Variants in MESD observed in about 807,000 individuals in gnomAD.
The protein encoded by MESD is LRP chaperone MESD.
Under a neutral mutation model 12.9 loss-of-function variants are expected in MESD, and 7 were observed. The observed-to-expected ratio is 0.54, with a 90% confidence interval of 0.31 to 1.02. MESD has a LOEUF of 1.02. Ranked by LOEUF, MESD falls within the 50% of genes least tolerant of loss-of-function variation. MESD has a pLI of 0.05. For missense variants in MESD, 342 were observed against 296.7 expected, an observed-to-expected ratio of 1.15 and a Z score of -1.12; for synonymous variants, 126 against 115.6, an observed-to-expected ratio of 1.09 and a Z score of -0.58.
In MESD at chr15:80,982,163, T is replaced by A. The variant is rs1408250589; in HGVS notation, c.233A>T (p.Glu78Val). The A allele has an allele frequency of 1.9e-6, 3 of 1,613,914 alleles. No homozygotes were observed. The Admixed American group carries it at 5.0e-5, about 27-fold the overall frequency. Residue 78 changes from glutamate (E) to valine (V), a missense_variant, in exon 2 of 3, where the codon GAA (glutamate) becomes GTA (valine). By Grantham distance (121) the Glu-to-Val change is moderately radical. Transcript: ENST00000261758. The part of the protein sequence containing the change: ...EQWEKDDDIE[E>V]GDLPEHKRPS... ...TCTCTTGTGCTCTGGAAGATCTCCT[T>A]CTTCAATGTCATCATCTTTCTATCA...
intron 3 of MESD, among the ~76,000 whole-genome samples, chr15:80,970,188 A>G (rs766785317): frequency 3.3e-5 from 5 of 152,202 alleles, no homozygotes; most frequent in African/African-American, 4.8e-5. Flanking sequence ...TTAGAGACAC[A>G]TGGTGGGGAA....
intron 3 of MESD, among the ~76,000 whole-genome samples, chr15:80,959,757 A>G (rs1902053388): frequency 6.6e-6 from 1 of 152,142 alleles, no homozygotes; most frequent in African/African-American, 2.4e-5. Context: ...GGAGAGAAAA[A>G]GCAAAGTGGA....
chr15:80,989,813 C>G lies in MESD; in HGVS notation c.-22G>C, dbSNP rs191989642. 2 of 1,544,140 alleles carry G rather than the reference C, an allele frequency of 1.3e-6. No individual in the cohort carries two copies. Among genetic ancestry groups the G allele is most frequent in the South Asian group, 1.2e-5 (1 of 86,522 alleles). On this transcript the variant is annotated 5_prime_UTR_variant, in exon 1 of 3. Coordinates refer to ENST00000261758, the MANE Select transcript of MESD (RefSeq NM_015154.3). ...CCATTTTCGCTGCGCCGCGCAGCGC[C>G]CTAGACGCGCTTACCCGACCTGCGC...
rs1022108825 is a variant in MESD, at chr15:80,977,126, C to G, written c.*2093G>C. 1.3e-5 allele frequency: 2 copies of G among 154,046 alleles called. No homozygotes were observed. Among genetic ancestry groups the G allele is most frequent in the African/African-American group, 4.8e-5 (2 of 41,492 alleles). The allele number at this position is 154,046 out of a possible 1,614,324, so 9.5% of individuals were successfully genotyped here. A position where few individuals can be genotyped will look rare whatever the true frequency, so the allele number is the denominator to read the frequency against. ...CCCCGCTGGCCTTCCTGCTGCCTCT[C>G]CCTCTGCCACTTCTAGCCACAGGGT... On this transcript the variant is annotated 3_prime_UTR_variant, in exon 3 of 3. Coordinates refer to ENST00000261758, the MANE Select transcript of MESD (RefSeq NM_015154.3).
chr15:80,970,726 C>T (rs1902269520), intron 3 of MESD: 1 of 152,162 alleles, frequency 6.6e-6, no homozygotes, highest in Non-Finnish European at 1.5e-5. Flanking sequence ...TCAGAAAGTA[C>T]TGCAATAAGG....
intron 1 of MESD, among the ~76,000 whole-genome samples, chr15:80,988,646 T>G (rs1193632514): frequency 6.6e-6 from 1 of 152,226 alleles, no homozygotes; most frequent in Non-Finnish European, 1.5e-5. Context: ...AACTCTTGTC[T>G]GAAAGTCTTT....
Position 80,979,264 on chromosome 15 carries a change from A to C in MESD, c.660T>G (p.Ser220=). The change falls in exon 3 of 3, where the codon TCT becomes TCG. Residue 220 remains serine (S), a synonymous_variant. Transcript: ENST00000261758. Reference sequence around the variant, plus strand: ...TCCCAGCTCGATTTTCTTCCTTGGAAGACCGAGATTTCAGATCTCCTTCCT... The same window carrying C: ...TCCCAGCTCGATTTTCTTCCTTGGACGACCGAGATTTCAGATCTCCTTCCT... ...KKKEGDLKSR[S]SKEENRAGNK... is the part of the protein sequence containing the mutation. The C allele has an allele frequency of 6.2e-7, 1 of 1,613,974 alleles. No individual in the cohort carries two copies. Among genetic ancestry groups the C allele is most frequent in the Non-Finnish European group, 8.5e-7 (1 of 1,180,024 alleles).
downstream of MESD, among the ~76,000 whole-genome samples, chr15:80,974,115 G>A (rs138496026): frequency 1.9e-3 from 285 of 152,290 alleles, 1 homozygote; most frequent in Non-Finnish European, 3.2e-3. Flanking sequence ...GAAAGCCACA[G>A]GAGAGCAGAG....
At chr15:80,953,464 A>G (rs576818796) in intron 3 of MESD, among the ~76,000 whole-genome samples, 1 of 152,302 alleles carries the variant, frequency 6.6e-6, no homozygotes, top group South Asian at 2.1e-4. Context: ...TTGTCCCTGC[A>G]ATAGTCACCA....
At chr15:80,969,114 C>G (rs993760977) in intron 3 of MESD, among the ~76,000 whole-genome samples, 1 of 152,188 alleles carries the variant, frequency 6.6e-6, no homozygotes, top group African/African-American at 2.4e-5. Flanking sequence ...CCACTTGAGC[C>G]TGGAGGTCGA....
intron 1 of MESD, among the ~76,000 whole-genome samples, chr15:80,987,166 A>G (rs1205349654): frequency 6.6e-6 from 1 of 152,140 alleles, no homozygotes; most frequent in Non-Finnish European, 1.5e-5. Flanking sequence ...AGGAATTCTC[A>G]CCTCTCCACA....
intron 3 of MESD, among the ~76,000 whole-genome samples, chr15:80,956,967 C>T (rs1902000756): frequency 6.6e-6 from 1 of 152,064 alleles, no homozygotes; most frequent in Non-Finnish European, 1.5e-5. Context: ...CAGGCTCACG[C>T]TACCATGCCC....
downstream of MESD, chr15:80,947,270 A>T: frequency 3.8e-6 from 2 of 530,632 alleles, no homozygotes; most frequent in East Asian, 6.0e-5. Flanking sequence ...ACTGCAGCAA[A>T]TTTATTATAA....
chr15:80,984,933 G>T (rs940496684), intron 1 of MESD, among the ~76,000 whole-genome samples: 3 of 152,192 alleles, frequency 2.0e-5, no homozygotes, highest in African/African-American at 7.2e-5. Flanking sequence ...GATCCATACC[G>T]ACGTCAGACC....
chr15:80,946,481 A>C (rs1401210027), downstream of MESD: 1 of 171,250 alleles, frequency 5.8e-6, no homozygotes, highest in African/African-American at 2.4e-5. Context: ...GGATGGTTTT[A>C]TGATTTGACA....
rs144039396 is a variant in MESD, at chr15:80,977,699, C to T, written c.*1520G>A. The T allele has an allele frequency of 1.3e-5, 2 of 152,340 alleles. No homozygotes were observed. The highest frequency in any genetic ancestry group is 2.1e-4 in the South Asian group (1 of 4,822). The allele number at this position is 152,340 out of a possible 1,614,324, so 9.4% of individuals were successfully genotyped here. A position where few individuals can be genotyped will look rare whatever the true frequency, so the allele number is the denominator to read the frequency against. On this transcript the variant is annotated 3_prime_UTR_variant, in exon 3 of 3. Transcript: ENST00000261758. ...TCAGCCACGGCATGATTCAGGGACTCGTTTATGCCACCAGGGTGTGGCGCT... is the reference window on the plus strand; with the variant it reads ...TCAGCCACGGCATGATTCAGGGACTTGTTTATGCCACCAGGGTGTGGCGCT...
At chr15:80,986,072 ATGTG>A (rs1023972617) in intron 1 of MESD, among the ~76,000 whole-genome samples, 2 of 152,108 alleles carry the variant, frequency 1.3e-5, no homozygotes, top group Non-Finnish European at 2.9e-5. Flanking sequence ...TCCATTGTAT[ATGTG>A]TGTGTGTGTT....
chr15:80,950,340 C>T (rs1160299135), intron 4 of MESD: 1 of 152,346 alleles, frequency 6.6e-6, no homozygotes, highest in East Asian at 1.9e-4. Context: ...AACAACCGGC[C>T]CCAGAGTGCC....
chr15:80,962,502 C>A (rs1247573905), intron 3 of MESD, among the ~76,000 whole-genome samples: 1 of 152,200 alleles, frequency 6.6e-6, no homozygotes, highest in Admixed American at 6.5e-5. Context: ...TAGACATCTA[C>A]AGAACTCTCC....
Sources: gnomAD v4.1 joint callset for allele counts (sites outside exome capture counted in the v4.1 genomes callset) on GRCh38, gnomAD v4.1.1 for gene constraint, MANE v1.5 for transcripts, NCBI Gene and HGNC (gene_info 2026-07-23, HGNC 2026-07-21) for gene names.